Variants in EXOC4 observed in about 807,000 individuals in gnomAD.
The protein encoded by EXOC4 is exocyst complex component 4.
Under a neutral mutation model 107.2 loss-of-function variants are expected in EXOC4, and 71 were observed. The ratio of observed to expected loss-of-function variants is 0.66; its 90% CI spans 0.55 to 0.81. The LOEUF (loss-of-function observed/expected upper bound fraction) is 0.81, where lower values mean the gene tolerates loss of function less well. EXOC4 is among the 30% of genes least tolerant of loss of function. EXOC4 has a pLI of 0.00. For missense variants in EXOC4, 1,108 were observed against 1,189.6 expected (o/e 0.93, Z 1.01); for synonymous variants, 456 against 441.2 (o/e 1.03, Z -0.42).
chr7:133,743,468 A>T (rs1206643300), intron 10 of EXOC4, among the ~76,000 whole-genome samples: 1 of 152,200 alleles, frequency 6.6e-6, no homozygotes, highest in Non-Finnish European at 1.5e-5. Flanking sequence ...CAGCTGTGCC[A>T]TTGTTGGTAC....
At chr7:133,484,103 A>G in intron 9 of EXOC4, 3 of 1,613,454 alleles carry the variant, frequency 1.9e-6, no homozygotes, top group Non-Finnish European at 2.5e-6. Flanking sequence ...CAAATTTTAC[A>G]AAAGTTAAGT....
chr7:133,899,094 C>T (rs571701753), intron 12 of EXOC4, among the ~76,000 whole-genome samples: 103 of 145,098 alleles, frequency 7.1e-4, no homozygotes, highest in African/African-American at 2.5e-3. Flanking sequence ...AAATATAAAG[C>T]TTTTTTTTTT....
intron 10 of EXOC4, among the ~76,000 whole-genome samples, chr7:133,774,234 G>A (rs1178459859): frequency 2.6e-5 from 4 of 152,086 alleles, no homozygotes; most frequent in Admixed American, 2.0e-4. Flanking sequence ...TCAGGCATGA[G>A]CAGAGAGTGT....
Position 133,699,126 on chromosome 7 carries a change from T to C in EXOC4, c.1514+68985T>C, listed in dbSNP as rs187497346. Among the ~76,000 whole-genome samples, 15 of 152,270 alleles carry C rather than the reference T, an allele frequency of 9.9e-5. No homozygotes were observed. The East Asian group carries it at 2.9e-3, about 29-fold the overall frequency. On this transcript the variant is annotated intron_variant, in intron 10 of 17. Transcript: ENST00000253861. ...ATAGTTCGAAATCTTAAGAGAGGGA[T>C]ATATTTAATTTAGAGTGTTTAAAAT...
intron 9 of EXOC4, among the ~76,000 whole-genome samples, chr7:133,577,853 A>C (rs980810511): frequency 6.6e-6 from 1 of 150,588 alleles, no homozygotes; most frequent in African/African-American, 2.5e-5. Context: ...TCTGACTTTC[A>C]AAAAAAAAGT....
chr7:133,419,015 A>T (rs1478076549), intron 7 of EXOC4, among the ~76,000 whole-genome samples: 1 of 152,232 alleles, frequency 6.6e-6, no homozygotes, highest in African/African-American at 2.4e-5. Flanking sequence ...AAAGTGGTTC[A>T]ATATGATATT....
chr7:133,595,699 A>G (rs1014995270), intron 9 of EXOC4, among the ~76,000 whole-genome samples: 1 of 152,252 alleles, frequency 6.6e-6, no homozygotes, highest in African/African-American at 2.4e-5. Flanking sequence ...GCAAGGTCAC[A>G]TAATTAGTCA....
the EXOC4 span, among the ~76,000 whole-genome samples, chr7:134,078,758 A>T: frequency 6.6e-6 from 1 of 152,268 alleles, no homozygotes; most frequent in Non-Finnish European, 1.5e-5. Flanking sequence ...CTAATAAAGC[A>T]CAAGGTACTA....
At chr7:133,991,830 A>G (rs567561919) in intron 14 of EXOC4, among the ~76,000 whole-genome samples, 10 of 152,248 alleles carry the variant, frequency 6.6e-5, no homozygotes, top group East Asian at 1.9e-4. Context: ...TTTTATGCCA[A>G]TACCATGCTG....
intron 10 of EXOC4, among the ~76,000 whole-genome samples, chr7:133,656,148 T>G (rs1386430421): frequency 6.6e-6 from 1 of 152,148 alleles, no homozygotes; most frequent in African/African-American, 2.4e-5. Context: ...TAGGATATAT[T>G]GCCTCACCAC....
chr7:133,738,901 A>G (rs1372450674), intron 10 of EXOC4, among the ~76,000 whole-genome samples: 1 of 152,130 alleles, frequency 6.6e-6, no homozygotes, highest in Non-Finnish European at 1.5e-5. Flanking sequence ...CTTCCTTTTT[A>G]TATATAGAAT....
rs182302521 is a variant in EXOC4 at position 133,268,505 on chromosome 7, T to C, written c.87-6477T>C. 8.1e-4 allele frequency among the ~76,000 whole-genome samples: 124 copies of C among 152,342 alleles called. 1 individual carries two copies. The highest frequency in any genetic ancestry group is 6.0e-3 in the South Asian group (29 of 4,824). The stretch of plus-strand genomic sequence containing the variant: ...GAACAATACTGACTTTTATGTATTT[T>C]CTCCTGTCCGGACTCCATTACTCTA... On this transcript the variant is annotated intron_variant, in intron 1 of 17. Coordinates refer to ENST00000253861, the MANE Select transcript of EXOC4 (RefSeq NM_021807.4).
At chr7:134,008,455 CA>C (rs1169252267) in intron 17 of EXOC4, among the ~76,000 whole-genome samples, 1 of 152,066 alleles carries the variant, frequency 6.6e-6, no homozygotes, top group Non-Finnish European at 1.5e-5. Context: ...TCATCACTTG[CA>C]AATTTTTGAA....
At chr7:133,691,704 A>G (rs1794424622) in intron 10 of EXOC4, among the ~76,000 whole-genome samples, 1 of 152,202 alleles carries the variant, frequency 6.6e-6, no homozygotes, top group Admixed American at 6.5e-5. Context: ...GGAAATCACC[A>G]GGGAGTAATA....
At chr7:133,619,141 A>C (rs1266906327) in intron 9 of EXOC4, among the ~76,000 whole-genome samples, 1 of 152,156 alleles carries the variant, frequency 6.6e-6, no homozygotes, top group Non-Finnish European at 1.5e-5. Context: ...GTCATGAAAT[A>C]ATGCTGTTTC....
At chr7:133,869,245 C>G (rs750041731) in intron 11 of EXOC4, among the ~76,000 whole-genome samples, 1 of 151,962 alleles carries the variant, frequency 6.6e-6, no homozygotes, top group Non-Finnish European at 1.5e-5. Context: ...TGCATTTGCT[C>G]TCATGCCAAT....
chr7:133,398,385 C>G (rs945608056), intron 7 of EXOC4, among the ~76,000 whole-genome samples: 7 of 152,288 alleles, frequency 4.6e-5, no homozygotes, highest in African/African-American at 1.7e-4. Context: ...CACATACAGT[C>G]CTATTATGAA....
At chr7:134,072,379 C>T in the EXOC4 span, among the ~76,000 whole-genome samples, 1 of 152,046 alleles carries the variant, frequency 6.6e-6, no homozygotes, top group Non-Finnish European at 1.5e-5. Context: ...GGTTTTGCTG[C>T]TGTTTGTGGT....
At position 134,061,018 on chromosome 7, in the gene EXOC4, C is replaced by A. The variant is rs1198983699; in HGVS notation, c.2688-3273C>A. ...TCATTCCGGGATTTATAAAGGTCTTCATTGCACAGAGGATATTGAAACATT... is the reference window on the plus strand; with the variant it reads ...TCATTCCGGGATTTATAAAGGTCTTAATTGCACAGAGGATATTGAAACATT... On this transcript the variant is annotated intron_variant, in intron 17 of 17. Transcript: ENST00000253861. Among the ~76,000 whole-genome samples, 3 of 152,290 alleles carry A rather than the reference C, an allele frequency of 2.0e-5. No individual in the cohort carries two copies. The East Asian group carries it at 5.8e-4, about 29-fold the overall frequency.
Sources: gnomAD v4.1 joint callset for allele counts (sites outside exome capture counted in the v4.1 genomes callset) on GRCh38, gnomAD v4.1.1 for gene constraint, MANE v1.5 for transcripts, NCBI Gene and HGNC (gene_info 2026-07-23, HGNC 2026-07-21) for gene names.